The following ITPR2 variants were observed in gnomAD, a reference collection of about 807,000 sequenced individuals.
ITPR2 encodes inositol 1,4,5-trisphosphate receptor type 2.
A neutral mutation model predicts 317.1 loss-of-function variants in ITPR2; 207 were observed. That is an observed-to-expected ratio of 0.65 (90% CI 0.58 to 0.73). The LOEUF is 0.73. Among genes scored for constraint, ITPR2 ranks in the 30% least tolerant of loss-of-function variants. The pLI, the probability that ITPR2 is intolerant of heterozygous loss-of-function variation, is 0.00. For missense variants in ITPR2, 2,613 were observed against 3,284.0 expected (o/e 0.80, Z 4.99); for synonymous variants, 1,156 against 1,149.1 (o/e 1.01, Z -0.12).
At chr12:26,359,387 C>G (rs1171600679) in intron 55 of ITPR2, among the ~76,000 whole-genome samples, 1 of 152,118 alleles carries the variant, frequency 6.6e-6, no homozygotes, top group Non-Finnish European at 1.5e-5. Context: ...ATACAGGGAA[C>G]CAAGAAAGCA....
chr12:26,625,485 T>TA (rs1465083755), intron 23 of ITPR2, among the ~76,000 whole-genome samples: 4 of 152,010 alleles, frequency 2.6e-5, no homozygotes, highest in Non-Finnish European at 5.9e-5. Context: ...AATTAAAAAT[T>TA]AAAAAAATTT....
chr12:26,587,091 TG>T, intron 32 of ITPR2, among the ~76,000 whole-genome samples: 1 of 151,810 alleles, frequency 6.6e-6, no homozygotes, highest in African/African-American at 2.4e-5. Context: ...CTTAATTCTA[TG>T]CTCAGACCAC....
chr12:26,419,609 TA>T (rs1940826985), intron 49 of ITPR2: 1 of 154,698 alleles, frequency 6.5e-6, no homozygotes, highest in African/African-American at 2.4e-5. Flanking sequence ...AAAACCGGAA[TA>T]AAAGAATTTC....
At chr12:26,486,477 A>G (rs1249408998) in intron 40 of ITPR2, 117 bp from the exon 41 acceptor site, 1 of 889,770 alleles carries the variant, frequency 1.1e-6, no homozygotes, top group Non-Finnish European at 1.7e-6. Flanking sequence ...TAATCTGACA[A>G]AAGGTGCAAC....
intron 5 of ITPR2, among the ~76,000 whole-genome samples, chr12:26,719,799 A>T (rs1203929023): frequency 6.6e-6 from 1 of 152,050 alleles, no homozygotes; most frequent in African/African-American, 2.4e-5. Context: ...ACTTTTTCTA[A>T]AACGCAAAGT....
intron 55 of ITPR2, among the ~76,000 whole-genome samples, chr12:26,362,418 G>A (rs1378456992): frequency 6.6e-6 from 1 of 152,110 alleles, no homozygotes; most frequent in Non-Finnish European, 1.5e-5. Flanking sequence ...TGCATCTGAG[G>A]GCCACTCAGA....
At chr12:26,459,224 A>T (rs886432859) in intron 45 of ITPR2, among the ~76,000 whole-genome samples, 10 of 152,206 alleles carry the variant, frequency 6.6e-5, no homozygotes, top group Non-Finnish European at 1.5e-5. Context: ...CAAATAACAC[A>T]CTTGCTCAGT....
rs550547213 is a variant in ITPR2, at chr12:26,810,529, T to A, written c.93-20302A>T. On this transcript the variant is annotated intron_variant, in intron 1 of 56. Coordinates refer to ENST00000381340, the MANE Select transcript of ITPR2 (RefSeq NM_002223.4). Reference sequence around the variant, plus strand: ...AAGCCTCTTCCCTGACTGACTCGATTCCAAGAACTTGGCAGTCCAGGGCTG... The same window carrying A: ...AAGCCTCTTCCCTGACTGACTCGATACCAAGAACTTGGCAGTCCAGGGCTG... Among the ~76,000 whole-genome samples, 21 of 152,336 alleles carry A rather than the reference T, an allele frequency of 1.4e-4. 1 individual carries two copies. The South Asian group carries it at 1.5e-3, about 11-fold the overall frequency.
intron 2 of ITPR2, among the ~76,000 whole-genome samples, chr12:26,784,271 C>G (rs1565762095): frequency 5.0e-4 from 4 of 8,016 alleles, no homozygotes; most frequent in Non-Finnish European, 9.1e-4. Context: ...CTCTCCCTCT[C>G]CCTCTCCCTC....
intron 50 of ITPR2, among the ~76,000 whole-genome samples, chr12:26,417,335 A>G (rs1235184591): frequency 6.6e-6 from 1 of 152,156 alleles, no homozygotes; most frequent in African/African-American, 2.4e-5. Context: ...AAAAACATAA[A>G]CATGTGTACA....
At chr12:26,720,753 G>A (rs1303186061) in intron 5 of ITPR2, among the ~76,000 whole-genome samples, 1 of 152,124 alleles carries the variant, frequency 6.6e-6, no homozygotes, top group African/African-American at 2.4e-5. Context: ...TGGGTGGTAG[G>A]TTTTGTTTTG....
intron 22 of ITPR2, among the ~76,000 whole-genome samples, chr12:26,629,602 C>T (rs1946701624): frequency 6.6e-6 from 1 of 151,284 alleles, no homozygotes; most frequent in Admixed American, 6.6e-5. Context: ...AAAAAAAATC[C>T]TCCAAGTTCC....
chr12:26,398,057 G>GGTGT (rs35660888), intron 54 of ITPR2, among the ~76,000 whole-genome samples: 9,806 of 134,892 alleles, frequency 0.073, 425 homozygotes, highest in Admixed American at 0.12. Flanking sequence ...GGAGGGGAGT[G>GGTGT]GTGTGTGTGT....
intron 21 of ITPR2, among the ~76,000 whole-genome samples, chr12:26,646,863 C>T (rs558253384): frequency 6.6e-6 from 1 of 152,264 alleles, no homozygotes; most frequent in East Asian, 1.9e-4. Flanking sequence ...TTATCTGGTT[C>T]CTGACTGGGA....
At chr12:26,763,061 T>G (rs1295037382) in intron 2 of ITPR2, among the ~76,000 whole-genome samples, 1 of 152,128 alleles carries the variant, frequency 6.6e-6, no homozygotes, top group Non-Finnish European at 1.5e-5. Context: ...ACATTATGAC[T>G]ATAATTAATG....
chr12:26,617,396 A>G (rs186674478), intron 26 of ITPR2, among the ~76,000 whole-genome samples: 1 of 152,318 alleles, frequency 6.6e-6, no homozygotes, highest in Non-Finnish European at 1.5e-5. Flanking sequence ...TGAATTTATA[A>G]CCATTAAAAA....
At chr12:26,399,747 A>G (rs907811808) in intron 53 of ITPR2, among the ~76,000 whole-genome samples, 1 of 152,236 alleles carries the variant, frequency 6.6e-6, no homozygotes, top group African/African-American at 2.4e-5. Flanking sequence ...TCATAGATAA[A>G]TGATGGAGGC....
chr12:26,718,471 C>T (rs186991830), intron 5 of ITPR2, among the ~76,000 whole-genome samples: 14 of 150,704 alleles, frequency 9.3e-5, no homozygotes, highest in African/African-American at 1.7e-4. Context: ...TGGGTCAATC[C>T]GTATATTTAC....
intron 47 of ITPR2, among the ~76,000 whole-genome samples, chr12:26,438,353 A>G (rs1941408475): frequency 6.6e-6 from 1 of 152,168 alleles, no homozygotes. Context: ...GAAAACTACC[A>G]TAATGAAATA....
Sources: gnomAD v4.1 joint callset for allele counts (sites outside exome capture counted in the v4.1 genomes callset) on GRCh38, gnomAD v4.1.1 for gene constraint, MANE v1.5 for transcripts, NCBI Gene and HGNC (gene_info 2026-07-23, HGNC 2026-07-21) for gene names.